TELO2: variants seen among roughly 807,000 people sequenced by gnomAD.
The protein encoded by TELO2 is telomere length regulation protein TEL2 homolog.
In TELO2, 71 loss-of-function variants were observed where a neutral mutation model predicts 91.0. The observed-to-expected ratio is 0.78, with a 90% CI of 0.64 to 0.95. The LOEUF (loss-of-function observed/expected upper bound fraction) is 0.95, where lower values mean the gene tolerates loss of function less well. TELO2 is among the 40% of genes least tolerant of loss of function. TELO2 has a pLI of 0.00. For synonymous variants in TELO2, 584 were observed against 518.9 expected (o/e 1.13, Z -1.71); for missense variants, 1,183 against 1,141.3 (o/e 1.04, Z -0.53).
rs1596253588 is a variant in TELO2, at chr16:1,497,627, G to A, written c.830+119G>A. The A allele has an allele frequency of 7.3e-7, 1 of 1,361,552 alleles. No homozygotes were observed. Among genetic ancestry groups the A allele is most frequent in the Non-Finnish European group, 9.8e-7 (1 of 1,025,258 alleles). The allele number at this position is 1,361,552 out of a possible 1,614,324, so 84.3% of individuals were successfully genotyped here. Reference sequence around the variant, plus strand: ...TGCTGCAGCTGGCACCCCCATGTAGGTGCCACAGGGTGTGGGTGGTGCCCT... The same window carrying A: ...TGCTGCAGCTGGCACCCCCATGTAGATGCCACAGGGTGTGGGTGGTGCCCT... On this transcript the variant is annotated intron_variant, in intron 5 of 20. Coordinates refer to ENST00000262319, the MANE Select transcript of TELO2 (RefSeq NM_016111.4). The surrounding 1 kb of genome is among the most constrained non-coding windows in gnomAD (Gnocchi z 4.0).
chr16:1,500,800 A>G, intron 9 of TELO2, 101 bp downstream of exon 9: 2 of 1,509,662 alleles, frequency 1.3e-6, no homozygotes, highest in Non-Finnish European at 8.9e-7. Context: ...CGGGGTCCAG[A>G]CTTGCGGAGC....
At chr16:1,495,194 A>G in intron 2 of TELO2, 152 bp from the exon 3 acceptor site, 1 of 1,174,202 alleles carries the variant, frequency 8.5e-7, no homozygotes, top group East Asian at 2.6e-5. Context: ...GAATGGATTA[A>G]CAGATTTTCC....
rs1167577538 is a variant in TELO2 at position 1,507,155 on chromosome 16, G to T, written c.2226+104G>T. On this transcript the variant is annotated intron_variant, in intron 18 of 20. Coordinates refer to ENST00000262319, the MANE Select transcript of TELO2 (RefSeq NM_016111.4). ...GGGATGGGTGTCTGAGGGAGGGGCT[G>T]CCTGTGTGGGCCCCCGGGCAGCGGG... 3 of 1,483,012 alleles carry T rather than the reference G, an allele frequency of 2.0e-6. No homozygotes were observed. The East Asian group carries it at 7.3e-5, about 36-fold the overall frequency. The allele number at this position is 1,483,012 out of a possible 1,614,324, so 91.9% of individuals were successfully genotyped here.
chr16:1,496,611 C>A (rs2235626), intron 3 of TELO2, among the ~76,000 whole-genome samples: 2 of 152,284 alleles, frequency 1.3e-5, no homozygotes, highest in African/African-American at 4.8e-5. Flanking sequence ...CGGCCCCTCC[C>A]GGTTCCCCAC....
intron 3 of TELO2, 61 bp downstream of exon 3, chr16:1,495,684 C>T (rs1567292700): frequency 3.9e-6 from 6 of 1,523,232 alleles, no homozygotes; most frequent in Non-Finnish European, 5.3e-6. Flanking sequence ...CGTCCCCTGC[C>T]ACCCTCTGGT....
rs1179358471 is a variant in TELO2, at chr16:1,505,422, GCTGCCCAGGAGCTGT to G, written c.1858_1872del (p.Ala620_Ser624del). 1 of 1,609,556 alleles carries G rather than the reference GCTGCCCAGGAGCTGT, an allele frequency of 6.2e-7. No individual in the cohort carries two copies. The highest frequency in any genetic ancestry group is 1.3e-5 in the African/African-American group (1 of 74,848). ...TGTCTCCCTCCAGGTGCTGACTCTG[GCTGCCCAGGAGCTGT>G]CTAGGCCTGGGTGCCTCGGGAGGAC... On this transcript the variant is annotated inframe_deletion, in exon 16 of 21. Coordinates refer to ENST00000262319, the MANE Select transcript of TELO2 (RefSeq NM_016111.4). The surrounding 1 kb of genome is among the most constrained non-coding windows in gnomAD (Gnocchi z 4.3).
chr16:1,500,262 G>A, intron 7 of TELO2, 85 bp from the exon 8 acceptor site: 2 of 1,530,848 alleles, frequency 1.3e-6, no homozygotes, highest in Admixed American at 2.0e-5. Context: ...CTGGGCTGGG[G>A]CGGAGCTCCC....
intron 20 of TELO2, 127 bp downstream of exon 20, chr16:1,507,843 GC>G: frequency 2.5e-6 from 1 of 394,156 alleles, no homozygotes; most frequent in Non-Finnish European, 3.8e-6. Context: ...ATGTGTGTTG[GC>G]CCGGGGTGTG....
rs61739594 is a variant in TELO2, at chr16:1,501,441, C to T, written c.1303C>T (p.Leu435Phe). The T allele has an allele frequency of 1.3e-3, 2,040 of 1,612,358 alleles. 34 individuals are homozygous for T. In the African/African-American group the frequency reaches 0.024, roughly 19 times the overall value. Residue 435 changes from leucine (L) to phenylalanine (F), a missense_variant, in exon 10 of 21, where the codon CTC (leucine) becomes TTC (phenylalanine). Leu to Phe is a conservative substitution (Grantham distance 22, BLOSUM62 0). Coordinates refer to ENST00000262319, the MANE Select transcript of TELO2 (RefSeq NM_016111.4). ...GTAGTACGAAGAGGATGAACTGAGC[C>T]TCGAGCTGCTGGCCTTGGCCTCCCC... is the stretch of plus-strand genomic sequence containing the variant. ...KFQYEEDELSLELLALASPQP... is the reference protein window; with the variant it reads ...KFQYEEDELSFELLALASPQP...
In TELO2 at chr16:1,506,656, C is replaced by T. The variant is rs535950901; in HGVS notation, c.2127-296C>T. On this transcript the variant is annotated intron_variant, in intron 17 of 20. Coordinates refer to ENST00000262319, the MANE Select transcript of TELO2 (RefSeq NM_016111.4). The stretch of plus-strand genomic sequence containing the variant: ...CTCAGCCGGCGCTGCACTGGCCCCA[C>T]GTTCAGGGCGTGAGGCTCTCGAGAT... 109 of 1,371,310 alleles carry T rather than the reference C, an allele frequency of 7.9e-5. No individual in the cohort carries two copies. In the Middle Eastern group the frequency reaches 8.3e-4, roughly 10 times the overall value. The allele number at this position is 1,371,310 out of a possible 1,614,324, so 84.9% of individuals were successfully genotyped here.
At chr16:1,507,884 G>GA (rs113697460) in intron 20 of TELO2, among the ~76,000 whole-genome samples, 168 bp downstream of exon 20, 1 of 105,790 alleles carries the variant, frequency 9.5e-6, no homozygotes, top group Non-Finnish European at 1.8e-5. Flanking sequence ...GTGTGTGTGT[G>GA]TGTGTGTGTG....
At chr16:1,495,725 C>T in intron 3 of TELO2, 102 bp downstream of exon 3, 1 of 1,450,722 alleles carries the variant, frequency 6.9e-7, no homozygotes, top group East Asian at 2.3e-5. Flanking sequence ...TTTGGAGTCT[C>T]TGGTTGATGC....
Position 1,505,723 on chromosome 16 carries a change from T to G in TELO2, c.2034+122T>G. 1 of 1,249,586 alleles carries G rather than the reference T, an allele frequency of 8.0e-7. No homozygotes were observed. Among genetic ancestry groups the G allele is most frequent in the South Asian group, 1.5e-5 (1 of 67,296 alleles). 77.4% of individuals were successfully genotyped at this position (1,249,586 alleles called of 1,614,324 possible). A position where few individuals can be genotyped will look rare whatever the true frequency, so the allele number is the denominator to read the frequency against. On this transcript the variant is annotated intron_variant, in intron 16 of 20. Transcript: ENST00000262319. This position sits in a 1 kb window ranked among gnomAD's most constrained non-coding sequence, Gnocchi z 4.3. Reference sequence around the variant, plus strand: ...GGCCACATTCGCTGGGGATGGTGCCTTTGCCGGGATTCCTGAAAGGCAGGG... The same window carrying G: ...GGCCACATTCGCTGGGGATGGTGCCGTTGCCGGGATTCCTGAAAGGCAGGG...
Position 1,497,373 on chromosome 16 carries a change from G to A in TELO2, c.695G>A (p.Gly232Asp), listed in dbSNP as rs1454867369. 6.5e-7 allele frequency: 1 copy of A among 1,547,754 alleles called. No homozygotes were observed. Among genetic ancestry groups the A allele is most frequent in the Non-Finnish European group, 8.7e-7 (1 of 1,145,874 alleles). ...TCTGTCCCCTCAGAGGAGATCCTGG[G>A]CGTGCTGGTACCCCGGCTGGCAGCG... Reference protein sequence around the residue: ...CVHGRQQEILGVLVPRLAALT... With the variant: ...CVHGRQQEILDVLVPRLAALT... The change falls in exon 5 of 21, where the codon GGC (glycine) becomes GAC (aspartate). Residue 232 changes from glycine to aspartate, a missense_variant. Physicochemically the swap from Gly to Asp is moderately conservative, Grantham distance 94 (BLOSUM62 -1). Transcript: ENST00000262319. This position sits in a 1 kb window ranked among gnomAD's most constrained non-coding sequence, Gnocchi z 4.0.
chr16:1,507,456 G>A, intron 19 of TELO2, 86 bp downstream of exon 19: 1 of 1,548,986 alleles, frequency 6.5e-7, no homozygotes, highest in Non-Finnish European at 8.7e-7. Flanking sequence ...GCCTCGAGGT[G>A]GCTGACAGGC....
intron 13 of TELO2, 27 bp downstream of exon 13, chr16:1,502,431 G>T: frequency 1.3e-6 from 2 of 1,571,792 alleles, no homozygotes; most frequent in Non-Finnish European, 1.7e-6. Context: ...AGTGGGTGGG[G>T]AGGCCCAAGA....
rs905669341 is a variant in TELO2, at chr16:1,510,398, C to T, written c.*462C>T. 3 of 215,830 alleles carry T rather than the reference C, an allele frequency of 1.4e-5. No homozygotes were observed. Among genetic ancestry groups the T allele is most frequent in the South Asian group, 6.7e-5 (1 of 14,874 alleles). The allele number at this position is 215,830 out of a possible 1,614,324, so 13.4% of individuals were successfully genotyped here. ...AGGGTGTGTGGCTCCTGGATGGGCT[C>T]GTGGGGCGGGATGGGACAGGGCACG... On this transcript the variant is annotated 3_prime_UTR_variant, in exon 21 of 21. Transcript: ENST00000262319.
chr16:1,507,846 CGGGGTGTG>C, intron 20 of TELO2, 130 bp downstream of exon 20: 1 of 310,982 alleles, frequency 3.2e-6, no homozygotes, highest in Non-Finnish European at 4.9e-6. Flanking sequence ...TGTGTTGGCC[CGGGGTGTG>C]TGTGTGTGTG....
chr16:1,507,202 C>A lies in TELO2; in HGVS notation c.2227-104C>A, dbSNP rs999626307. On this transcript the variant is annotated intron_variant, in intron 18 of 20. Transcript: ENST00000262319. Reference sequence around the variant, plus strand: ...CGGGAGCATCCCCTCGGCTGTCAGGCAGGCCCTGTCCCTGCTGCTGCCCAG... The same window carrying A: ...CGGGAGCATCCCCTCGGCTGTCAGGAAGGCCCTGTCCCTGCTGCTGCCCAG... 155 of 1,518,448 alleles carry A rather than the reference C, an allele frequency of 1.0e-4. 2 individuals are homozygous for A. The South Asian group carries it at 1.8e-3, about 17-fold the overall frequency. 94.1% of individuals were successfully genotyped at this position (1,518,448 alleles called of 1,614,324 possible). A position where few individuals can be genotyped will look rare whatever the true frequency, so the allele number is the denominator to read the frequency against.
Sources: allele counts gnomAD v4.1 joint callset (sites outside exome capture counted in the v4.1 genomes callset), GRCh38; gene constraint gnomAD v4.1.1; non-coding constraint Gnocchi (gnomAD v3.1); transcripts MANE v1.5; gene names NCBI Gene and HGNC (gene_info 2026-07-23, HGNC 2026-07-21).